HEATR1: variants seen among roughly 807,000 people sequenced by gnomAD.
The protein encoded by HEATR1 is HEAT repeat containing 1.
HEATR1 carries 77 observed loss-of-function variants against 248.2 expected under a neutral mutation model. That is an observed-to-expected ratio of 0.31 (90% CI 0.26 to 0.37). The LOEUF is 0.37. Among genes scored for constraint, HEATR1 ranks in the 10% least tolerant of loss-of-function variants. The pLI, the probability that HEATR1 is intolerant of heterozygous loss-of-function variation, is 1.00. For missense variants in HEATR1, 2,420 were observed against 2,504.9 expected (o/e 0.97, Z 0.72); for synonymous variants, 897 against 923.1 (o/e 0.97, Z 0.51).
chr1:236,563,843 G>A (rs914687893), intron 32 of HEATR1, among the ~76,000 whole-genome samples: 1 of 151,598 alleles, frequency 6.6e-6, no homozygotes, highest in African/African-American at 2.4e-5. Context: ...GGCTGGGCAT[G>A]ATGGCTCATG....
In HEATR1 at chr1:236,592,651, G is replaced by T; in HGVS notation, c.1194-18C>A. The T allele has an allele frequency of 1.0e-6, 1 of 970,608 alleles. No homozygotes were observed. Among genetic ancestry groups the T allele is most frequent in the Non-Finnish European group, 1.6e-6 (1 of 624,806 alleles). The allele number at this position is 970,608 out of a possible 1,614,324, so 60.1% of individuals were successfully genotyped here. On this transcript the variant is annotated intron_variant, in intron 9 of 44. Coordinates refer to ENST00000366582, the MANE Select transcript of HEATR1 (RefSeq NM_018072.6). ...ATAGAAGGCTGTAAAAAAAAAAACA[G>T]AAATATCAGCATACATAAGAGTTAC...
chr1:236,587,325 A>AAG, intron 14 of HEATR1, 77 bp downstream of exon 14: 1 of 660,230 alleles, frequency 1.5e-6, no homozygotes, highest in Non-Finnish European at 2.4e-6. Context: ...TTAAAAAAAA[A>AAG]AAGAAGAAGA....
chr1:236,597,121 T>C (rs1382973492), intron 5 of HEATR1, 145 bp from the exon 6 acceptor site: 2 of 453,352 alleles, frequency 4.4e-6, no homozygotes, highest in African/African-American at 4.4e-5. Context: ...CAAGTCCATG[T>C]CTCCAAAAAA....
In HEATR1 at chr1:236,586,402, A is replaced by G; in HGVS notation, c.1766T>C (p.Leu589Pro). 6.2e-7 allele frequency: 1 copy of G among 1,613,380 alleles called. No individual in the cohort carries two copies. The change falls in exon 15 of 45, where the codon CTG (leucine) becomes CCG (proline). Residue 589 changes from leucine (L) to proline (P), a missense_variant. Leu to Pro is a moderately conservative substitution (Grantham distance 98, BLOSUM62 -3). Transcript: ENST00000366582. ...AADILIKEEI[L>P]SENDQLSNQV... Reference sequence around the variant, plus strand: ...ATTTGACAACTGATCATTTTCACTCAGTATCTCTTCTTTAATTAATATGTC... The same window carrying G: ...ATTTGACAACTGATCATTTTCACTCGGTATCTCTTCTTTAATTAATATGTC...
rs774096502 is a variant in HEATR1, at chr1:236,596,887, T to C, written c.693A>G (p.Ala231=). The stretch of plus-strand genomic sequence containing the variant: ...CGATGATATTGTCTGATACGTCCTC[T>C]GCAGCTACCAGCGCCGACACTATGG... ...ASTIVSALVA[A]EDVSDNIIAK... is the part of the protein sequence containing the mutation. Residue 231 remains alanine, a synonymous_variant, in exon 6 of 45, where the codon GCA becomes GCG. Transcript: ENST00000366582. 5 of 1,614,180 alleles carry C rather than the reference T, an allele frequency of 3.1e-6. No homozygotes were observed. In the Admixed American group the frequency reaches 8.3e-5, roughly 27 times the overall value.
chr1:236,589,053 C>T (rs754439636), intron 12 of HEATR1, among the ~76,000 whole-genome samples: 6 of 152,114 alleles, frequency 3.9e-5, no homozygotes, highest in Non-Finnish European at 8.8e-5. Flanking sequence ...ACATGGTATG[C>T]AAAGGAGGAC....
intron 28 of HEATR1, among the ~76,000 whole-genome samples, chr1:236,569,566 C>T (rs1188144840): frequency 6.6e-6 from 1 of 152,126 alleles, no homozygotes; most frequent in Non-Finnish European, 1.5e-5. Flanking sequence ...AGAAAAAATT[C>T]ATACGAAAAG....
intron 24 of HEATR1, 26 bp downstream of exon 24, chr1:236,574,176 A>C (rs1374055339): frequency 1.3e-6 from 2 of 1,576,274 alleles, no homozygotes; most frequent in South Asian, 2.4e-5. Flanking sequence ...ATTAATAAAA[A>C]AAATTACAAG....
In HEATR1 at chr1:236,591,977, T is replaced by C. The variant is rs192268268; in HGVS notation, c.1422+16A>G. ...TGTACCCCAAATTGTCATAATTCCT[T>C]TGGAGAACAACATACCTGATACTTT... On this transcript the variant is annotated intron_variant, in intron 11 of 44. Transcript: ENST00000366582. The C allele has an allele frequency of 1.3e-4, 184 of 1,450,830 alleles. 1 individual carries two copies. In the East Asian group the frequency reaches 1.4e-3, roughly 11 times the overall value. The allele number at this position is 1,450,830 out of a possible 1,614,324, so 89.9% of individuals were successfully genotyped here. A position where few individuals can be genotyped will look rare whatever the true frequency, so the allele number is the denominator to read the frequency against.
chr1:236,599,451 G>C (rs752818796), intron 4 of HEATR1, 32 bp downstream of exon 4: 2 of 1,574,344 alleles, frequency 1.3e-6, no homozygotes, highest in Non-Finnish European at 1.7e-6. Context: ...GATCTGTAAT[G>C]ATTACAGACA....
Position 236,566,831 on chromosome 1 carries a change from T to A in HEATR1, c.4123A>T (p.Ile1375Phe). 4.3e-6 allele frequency: 7 copies of A among 1,614,028 alleles called. No individual in the cohort carries two copies. The highest frequency in any genetic ancestry group is 5.9e-6 in the Non-Finnish European group (7 of 1,180,006). The change falls in exon 30 of 45, where the codon ATT becomes TTT. Residue 1375 changes from isoleucine (I) to phenylalanine (F), a missense_variant. Physicochemically the swap from Ile to Phe is conservative, Grantham distance 21. Coordinates refer to ENST00000366582, the MANE Select transcript of HEATR1 (RefSeq NM_018072.6). ...AATACACTAATGATTTTTACCACAA[T>A]CTCTTCAACGTTTCTTGAAACTTCT... is the stretch of plus-strand genomic sequence containing the variant. ...SIEVSRNVEE[I>F]VVKIISVFVD...
At chr1:236,592,150 AAT>A in intron 10 of HEATR1, 40 bp from the exon 11 acceptor site, 1 of 1,054,650 alleles carries the variant, frequency 9.5e-7, no homozygotes, top group Non-Finnish European at 1.4e-6. Context: ...ATTCTTAATA[AAT>A]TTATTAATCT....
intron 6 of HEATR1, among the ~76,000 whole-genome samples, 200 bp downstream of exon 6, chr1:236,596,636 T>C (rs377594344): frequency 1.3e-5 from 2 of 152,206 alleles, no homozygotes; most frequent in Non-Finnish European, 1.5e-5. Context: ...CCAATATTTA[T>C]TCTTAAGAGT....
chr1:236,576,446 C>T (rs770362894), intron 21 of HEATR1, 69 bp from the exon 22 acceptor site: 125 of 1,132,886 alleles, frequency 1.1e-4, no homozygotes, highest in Non-Finnish European at 1.5e-4. Flanking sequence ...ATATTAATTA[C>T]GGAAGACTCT....
At chr1:236,581,587 T>A (rs1180993525) in intron 19 of HEATR1, among the ~76,000 whole-genome samples, 173 bp from the exon 20 acceptor site, 1 of 152,234 alleles carries the variant, frequency 6.6e-6, no homozygotes, top group South Asian at 2.1e-4. Flanking sequence ...ACTGGGAAGA[T>A]GTCAATGAAG....
rs779438924 is a variant in HEATR1 at position 236,564,455 on chromosome 1, C to T, written c.4599+43G>A. On this transcript the variant is annotated intron_variant, in intron 32 of 44. Transcript: ENST00000366582. ...CTGGTTGAGAACAGTTCCTTGGAGA[C>T]AGCAGAATACCTTTTTATAAACACA... 4 of 1,573,164 alleles carry T rather than the reference C, an allele frequency of 2.5e-6. No individual in the cohort carries two copies. The East Asian group carries it at 9.0e-5, about 35-fold the overall frequency.
intron 4 of HEATR1, among the ~76,000 whole-genome samples, chr1:236,598,508 G>A (rs866747319): frequency 3.9e-4 from 59 of 152,162 alleles, no homozygotes; most frequent in African/African-American, 1.2e-3. Flanking sequence ...CAATAAGAGT[G>A]CCTAGGGAGC....
chr1:236,568,237 A>G (rs534958067), intron 29 of HEATR1, among the ~76,000 whole-genome samples: 5 of 152,176 alleles, frequency 3.3e-5, no homozygotes, highest in Admixed American at 6.5e-5. Context: ...ACTCTTTAGC[A>G]TTTACTTATT....
chr1:236,554,813 G>C, intron 41 of HEATR1, 61 bp from the exon 42 acceptor site: 1 of 1,377,682 alleles, frequency 7.3e-7, no homozygotes, highest in Non-Finnish European at 1.0e-6. Context: ...AATCTCCAAT[G>C]TTTACATTGA....
Sources: allele counts gnomAD v4.1 joint callset (sites outside exome capture counted in the v4.1 genomes callset), GRCh38; gene constraint gnomAD v4.1.1; transcripts MANE v1.5; gene names NCBI Gene and HGNC (gene_info 2026-07-23, HGNC 2026-07-21).